Variants in SEZ6L2 observed in about 807,000 individuals in gnomAD.
SEZ6L2 encodes seizure related 6 homolog like 2, also known as seizure 6-like protein 2.
A neutral mutation model predicts 97.0 loss-of-function variants in SEZ6L2; 44 were observed. The observed-to-expected ratio is 0.45, with a 90% confidence interval of 0.36 to 0.58. SEZ6L2 has a LOEUF of 0.58. Ranked by LOEUF, SEZ6L2 falls within the 20% of genes least tolerant of loss-of-function variation. The pLI is 0.00. For missense variants in SEZ6L2, 1,086 were observed against 1,233.3 expected (o/e 0.88, Z 1.79); for synonymous variants, 543 against 546.1 (o/e 0.99, Z 0.08).
intron 14 of SEZ6L2, 143 bp from the exon 15 acceptor site, chr16:29,872,886 GAAGA>G: frequency 2.9e-6 from 2 of 699,522 alleles, no homozygotes; most frequent in South Asian, 3.7e-5. Flanking sequence ...CCTTTGTGGG[GAAGA>G]GAGAGGAGTG....
At chr16:29,881,983 T>C (rs1279468678) in intron 8 of SEZ6L2, among the ~76,000 whole-genome samples, 1 of 150,228 alleles carries the variant, frequency 6.7e-6, no homozygotes, top group African/African-American at 2.4e-5. Context: ...TATTTTTTTA[T>C]TTTTTGAGAC....
In SEZ6L2 at chr16:29,885,757, G is replaced by A. The variant is rs770523279; in HGVS notation, c.1209-8C>T. Reference sequence around the variant, plus strand: ...CCTGAGCGCACCATCAGCCTGGGATGGACAGAAACGTGACCAGGAGCTCAA... The same window carrying A: ...CCTGAGCGCACCATCAGCCTGGGATAGACAGAAACGTGACCAGGAGCTCAA... On this transcript the variant is annotated splice_region_variant and splice_polypyrimidine_tract_variant and intron_variant, in intron 7 of 17. Coordinates refer to ENST00000617533, the MANE Select transcript of SEZ6L2 (RefSeq NM_001243332.2). The A allele has an allele frequency of 2.5e-6, 4 of 1,590,594 alleles. No homozygotes were observed. The highest frequency in any genetic ancestry group is 1.9e-4 in the Middle Eastern group (1 of 5,350).
chr16:29,873,449 G>C lies in SEZ6L2; in HGVS notation c.2297-18C>G, dbSNP rs1371331054. The C allele has an allele frequency of 1.2e-6, 2 of 1,614,046 alleles. No individual in the cohort carries two copies. The highest frequency in any genetic ancestry group is 1.7e-5 in the Admixed American group (1 of 60,028). On this transcript the variant is annotated intron_variant, in intron 13 of 17. Transcript: ENST00000617533. The surrounding 1 kb of genome is among the most constrained non-coding windows in gnomAD (Gnocchi z 4.3). ...GTACTTCACTGCGGGGAGCATGCCA[G>C]TCACGTGCCAGCTGCACTACTGTGC...
intron 14 of SEZ6L2, 59 bp from the exon 15 acceptor site, chr16:29,872,802 A>T: frequency 1.6e-6 from 2 of 1,276,372 alleles, no homozygotes; most frequent in Non-Finnish European, 2.2e-6. Context: ...GGAGGCTGGG[A>T]GGGGCCGGGA....
At chr16:29,877,616 G>A (rs936789339) in intron 10 of SEZ6L2, 149 bp from the exon 11 acceptor site, 1 of 738,596 alleles carries the variant, frequency 1.4e-6, no homozygotes, top group Non-Finnish European at 2.1e-6. Context: ...CGCCGCCTCC[G>A]TTTTGACCAA....
chr16:29,877,936 C>G (rs1002491007), intron 10 of SEZ6L2, among the ~76,000 whole-genome samples: 8 of 152,342 alleles, frequency 5.3e-5, no homozygotes, highest in Admixed American at 4.6e-4. Context: ...CAGACCTCCC[C>G]AACTTGCTGG....
intron 11 of SEZ6L2, 106 bp from the exon 12 acceptor site, chr16:29,877,056 C>T: frequency 8.2e-7 from 1 of 1,226,886 alleles, no homozygotes; most frequent in Non-Finnish European, 1.1e-6. Flanking sequence ...GTCTCTCTCT[C>T]TCTCTCTTAG....
intron 1 of SEZ6L2, 114 bp downstream of exon 1, chr16:29,898,827 G>C: frequency 1.3e-6 from 1 of 796,236 alleles, no homozygotes; most frequent in Non-Finnish European, 2.0e-6. Flanking sequence ...CCCATCAGCT[G>C]TGCCTCTCCC....
In SEZ6L2 at chr16:29,878,341, C is replaced by G; in HGVS notation, c.1658G>C (p.Cys553Ser). Residue 553 changes from cysteine to serine, a missense_variant, in exon 10 of 18, where the codon TGC becomes TCC. Physicochemically the swap from Cys to Ser is moderately radical, Grantham distance 112. Around this residue, in one of 2 missense-constraint regions of SEZ6L2, gnomAD observed 776 missense variants for 794.7 expected, o/e 0.98. Transcript: ENST00000617533. ...WPQSYSPGQD[C>S]VWGVHVQEEK... ...TTCCTGGACGTGCACGCCCCACACG[C>G]AGTCTTGGCCCGGGCTATAGCTCTG... 6.2e-7 allele frequency: 1 copy of G among 1,603,654 alleles called. No individual in the cohort carries two copies. The highest frequency in any genetic ancestry group is 8.5e-7 in the Non-Finnish European group (1 of 1,174,678).
At position 29,887,781 on chromosome 16, in the gene SEZ6L2, C is replaced by T. The variant is rs767595932; in HGVS notation, c.1076G>A (p.Gly359Asp). ...CCCAGGCTCTGGGGACACGATGCGG[C>T]CCAGGGTGGCATTGTGGATGGTGCC... ...CGGTIHNATL[G>D]RIVSPEPGGA... Residue 359 changes from glycine to aspartate, a missense_variant, in exon 7 of 18, where the codon GGC becomes GAC. Coordinates refer to ENST00000617533, the MANE Select transcript of SEZ6L2 (RefSeq NM_001243332.2). The T allele has an allele frequency of 1.9e-6, 3 of 1,613,850 alleles. No individual in the cohort carries two copies. Among genetic ancestry groups the T allele is most frequent in the Non-Finnish European group, 2.5e-6 (3 of 1,179,942 alleles).
intron 15 of SEZ6L2, 59 bp downstream of exon 15, chr16:29,872,646 G>A: frequency 1.2e-6 from 2 of 1,605,602 alleles, no homozygotes; most frequent in South Asian, 1.1e-5. Flanking sequence ...TCCTGCCCCA[G>A]CCTCTGCCTT....
chr16:29,874,192 C>T (rs533444578), intron 12 of SEZ6L2, among the ~76,000 whole-genome samples: 7 of 152,258 alleles, frequency 4.6e-5, no homozygotes, highest in Admixed American at 3.9e-4. Context: ...ATATTTCAGG[C>T]TTCGTTTAGT....
chr16:29,876,239 C>T lies in SEZ6L2; in HGVS notation c.2104+517G>A, dbSNP rs148990756. The stretch of plus-strand genomic sequence containing the variant: ...TTGAACCCCCTTCGCCTAACCCCAA[C>T]CCAGCACGGGGCTTCAATGATGGCA... On this transcript the variant is annotated intron_variant, in intron 12 of 17. Coordinates refer to ENST00000617533, the MANE Select transcript of SEZ6L2 (RefSeq NM_001243332.2). This position sits in a 1 kb window ranked among gnomAD's most constrained non-coding sequence, Gnocchi z 6.5. Among the ~76,000 whole-genome samples the T allele has an allele frequency of 2.6e-5, 4 of 152,312 alleles. No individual in the cohort carries two copies. In the East Asian group the frequency reaches 7.7e-4, roughly 29 times the overall value.
chr16:29,895,867 A>C lies in SEZ6L2; in HGVS notation c.512-7T>G, dbSNP rs766472072. On this transcript the variant is annotated splice_region_variant and splice_polypyrimidine_tract_variant and intron_variant, in intron 3 of 17. Coordinates refer to ENST00000617533, the MANE Select transcript of SEZ6L2 (RefSeq NM_001243332.2). ...ATGTTGTTATTACACAGAACTGAGG[A>C]GATACAAATGGCTGGGATGGAAGGA... is the stretch of plus-strand genomic sequence containing the variant. 4 of 1,589,558 alleles carry C rather than the reference A, an allele frequency of 2.5e-6. No individual in the cohort carries two copies. The African/African-American group carries it at 5.4e-5, about 21-fold the overall frequency.
At chr16:29,882,281 A>G (rs2150793087) in intron 8 of SEZ6L2, among the ~76,000 whole-genome samples, 1 of 151,724 alleles carries the variant, frequency 6.6e-6, no homozygotes, top group South Asian at 2.1e-4. Context: ...TATTTTATTT[A>G]TTTTTAAAAA....
At position 29,873,708 on chromosome 16, in the gene SEZ6L2, C is replaced by A; in HGVS notation, c.2126G>T (p.Gly709Val). ...GGTGCGGTGCCCGTTGGCAATCTCG[C>A]CAGGGTCAGCACAAGTCATGACTGG... ...CQKIMTCADP[G>V]EIANGHRTAS... The change falls in exon 13 of 18, where the codon GGC becomes GTC. Residue 709 changes from glycine (G) to valine (V), a missense_variant. This residue lies in a region of SEZ6L2 where 310 missense variants were observed against 438.6 expected (regional missense o/e 0.71). Transcript: ENST00000617533. The surrounding 1 kb of genome is among the most constrained non-coding windows in gnomAD (Gnocchi z 4.3). 1 of 1,597,710 alleles carries A rather than the reference C, an allele frequency of 6.3e-7. No homozygotes were observed. Among genetic ancestry groups the A allele is most frequent in the South Asian group, 1.1e-5 (1 of 89,058 alleles).
intron 7 of SEZ6L2, 95 bp downstream of exon 7, chr16:29,887,554 C>T (rs1410068749): frequency 1.2e-5 from 15 of 1,218,318 alleles, no homozygotes; most frequent in Middle Eastern, 2.0e-4. Context: ...CCTTGTGATC[C>T]GCCTGCTTCG....
At chr16:29,894,814 C>A (rs1267199304) in intron 5 of SEZ6L2, among the ~76,000 whole-genome samples, 1 of 152,018 alleles carries the variant, frequency 6.6e-6, no homozygotes, top group East Asian at 1.9e-4. Flanking sequence ...CTCTGAGGGC[C>A]CTGCCCCCCA....
In SEZ6L2 at chr16:29,872,397, C is replaced by G. The variant is rs1294417965; in HGVS notation, c.2645+12G>C. 2 of 1,611,648 alleles carry G rather than the reference C, an allele frequency of 1.2e-6. No homozygotes were observed. The highest frequency in any genetic ancestry group is 1.3e-5 in the African/African-American group (1 of 75,002). ...TCTGCCCTGGCCGGCAGTCCCCAAG[C>G]AGGCTACTTACTTGGTGTAGTAGAT... On this transcript the variant is annotated intron_variant, in intron 16 of 17. Coordinates refer to ENST00000617533, the MANE Select transcript of SEZ6L2 (RefSeq NM_001243332.2).
Sources: allele counts gnomAD v4.1 joint callset (sites outside exome capture counted in the v4.1 genomes callset), GRCh38; gene constraint gnomAD v4.1.1; regional missense constraint gnomAD v4.1.1; non-coding constraint Gnocchi (gnomAD v3.1); transcripts MANE v1.5; gene names NCBI Gene and HGNC (gene_info 2026-07-23, HGNC 2026-07-21).